The following PP2D1 variants were observed in gnomAD, a reference collection of about 807,000 sequenced individuals.
The protein encoded by PP2D1 is protein phosphatase 2C like domain containing 1, also known as protein phosphatase 2C-like domain-containing protein 1.
PP2D1 carries 25 observed loss-of-function variants against 30.2 expected under a neutral mutation model. That is an observed-to-expected ratio of 0.83 (90% CI 0.60 to 1.16). The LOEUF (loss-of-function observed/expected upper bound fraction) is 1.16, where lower values mean the gene tolerates loss of function less well. Ranked by LOEUF, PP2D1 falls within the 50% of genes most tolerant of loss-of-function variation. PP2D1 has a pLI of 0.00. For missense variants in PP2D1, 760 were observed against 742.4 expected (o/e 1.02, Z -0.28); for synonymous variants, 260 against 258.9 (o/e 1.00, Z -0.04).
downstream of PP2D1, chr3:19,983,898 C>T (rs563802419): frequency 1.2e-4 from 123 of 992,190 alleles, no homozygotes; most frequent in South Asian, 9.6e-4. Flanking sequence ...AGCATTTAAC[C>T]AGCCCAGTAT....
intron 1 of PP2D1, among the ~76,000 whole-genome samples, chr3:20,003,703 A>G (rs1009877941): frequency 6.6e-6 from 1 of 152,034 alleles, no homozygotes; most frequent in African/African-American, 2.4e-5. Context: ...GTGAGCAGAG[A>G]TGGCGCCACT....
downstream of PP2D1, among the ~76,000 whole-genome samples, chr3:19,983,083 T>C (rs1012323677): frequency 6.6e-6 from 1 of 152,140 alleles, no homozygotes; most frequent in Non-Finnish European, 1.5e-5. Context: ...ACGCCTATAA[T>C]CCCAACACTT....
At chr3:19,987,037 C>CAAAAAA (rs36014617) in intron 2 of PP2D1, among the ~76,000 whole-genome samples, 1 of 116,474 alleles carries the variant, frequency 8.6e-6, no homozygotes, top group Non-Finnish European at 1.8e-5. Context: ...AAATCTGCCT[C>CAAAAAA]AAAAAAAAAA....
chr3:19,981,699 G>A (rs1696930904), downstream of PP2D1, among the ~76,000 whole-genome samples: 1 of 152,054 alleles, frequency 6.6e-6, no homozygotes, highest in African/African-American at 2.4e-5. Flanking sequence ...AGGAGCATCT[G>A]TATATCCAGC....
chr3:19,996,072 G>T (rs1222320226), intron 2 of PP2D1, among the ~76,000 whole-genome samples: 1 of 151,662 alleles, frequency 6.6e-6, no homozygotes, highest in Non-Finnish European at 1.5e-5. Context: ...AAAATTAATA[G>T]AAGCAAAAAA....
At chr3:19,980,309 A>AT (rs1696899523) in intron 3 of PP2D1, 1 of 152,282 alleles carries the variant, frequency 6.6e-6, no homozygotes, top group East Asian at 1.9e-4. Context: ...TAATAAAGTC[A>AT]TTTTTCGAGT....
intron 1 of PP2D1, among the ~76,000 whole-genome samples, chr3:20,011,028 C>A (rs962046545): frequency 3.3e-5 from 5 of 151,966 alleles, no homozygotes; most frequent in Admixed American, 1.3e-4. Flanking sequence ...TGTGCCCAAC[C>A]GGGAACCTAG....
At chr3:20,004,769 A>G (rs1479971652) in intron 1 of PP2D1, among the ~76,000 whole-genome samples, 3 of 146,472 alleles carry the variant, frequency 2.0e-5, no homozygotes, top group Non-Finnish European at 4.6e-5. Context: ...GTTAGAGACC[A>G]GAAAAAAAAA....
In PP2D1 at chr3:20,001,169, A is replaced by G. The variant is rs1160102982; in HGVS notation, c.951T>C (p.Cys317=). Residue 317 remains cysteine (C), a synonymous_variant, in exon 2 of 3, where the codon TGT becomes TGC. Transcript: ENST00000389050. ...VQWSGCSAVT[C]ILEGKPKSPY... Reference sequence around the variant, plus strand: ...GACTTTTAGGTTTGCCTTCCAATATACAAGTAACTGCAGAGCAGCCACTCC... The same window carrying G: ...GACTTTTAGGTTTGCCTTCCAATATGCAAGTAACTGCAGAGCAGCCACTCC... 1.3e-6 allele frequency: 2 copies of G among 1,492,048 alleles called. No individual in the cohort carries two copies. The highest frequency in any genetic ancestry group is 2.4e-5 in the Admixed American group (1 of 41,438). The allele number at this position is 1,492,048 out of a possible 1,614,324, so 92.4% of individuals were successfully genotyped here. A position where few individuals can be genotyped will look rare whatever the true frequency, so the allele number is the denominator to read the frequency against.
Position 19,986,040 on chromosome 3 carries a change from C to T in PP2D1, c.1233G>A (p.Glu411=), listed in dbSNP as rs1174682572. The change falls in exon 3 of 3, where the codon GAG becomes GAA. Residue 411 remains glutamate, a synonymous_variant. Coordinates refer to ENST00000389050, the MANE Select transcript of PP2D1 (RefSeq NM_001252657.2). The part of the protein sequence containing the change: ...ISSNEPYGLV[E]GQVKTTRGLG... The stretch of plus-strand genomic sequence containing the variant: ...GTCCTCGTGTAGTTTTTACTTGCCC[C>T]TCTACAAGCCCGTATGGTTCATTTG... The T allele has an allele frequency of 2.6e-6, 4 of 1,535,960 alleles. 1 individual carries two copies. The South Asian group carries it at 4.8e-5, about 18-fold the overall frequency.
chr3:20,005,139 A>G (rs1190355796), intron 1 of PP2D1, among the ~76,000 whole-genome samples: 1 of 110,738 alleles, frequency 9.0e-6, no homozygotes, highest in African/African-American at 3.1e-5. Context: ...AACTTTATAT[A>G]TACATTTTTT....
downstream of PP2D1, among the ~76,000 whole-genome samples, chr3:19,981,457 T>C (rs994470480): frequency 6.6e-6 from 1 of 151,724 alleles, no homozygotes; most frequent in Non-Finnish European, 1.5e-5. Context: ...CTACTAAAAA[T>C]AGAAAAATTA....
chr3:19,991,673 T>G (rs1697121541), intron 2 of PP2D1, among the ~76,000 whole-genome samples: 1 of 152,176 alleles, frequency 6.6e-6, no homozygotes, highest in Non-Finnish European at 1.5e-5. Flanking sequence ...TCACTTTATT[T>G]CACTAAGTAA....
At position 20,001,090 on chromosome 3, in the gene PP2D1, T is replaced by C; in HGVS notation, c.1030A>G (p.Ser344Gly). Residue 344 changes from serine to glycine, a missense_variant, in exon 2 of 3, where the codon AGC becomes GGC. Ser to Gly is a moderately conservative substitution (Grantham distance 56). Transcript: ENST00000389050. ...TTTGGCATCTCCTGGGAAGGGGAGC[T>C]CTCTGCCAACCCATCATGGGTATTT... Reference protein sequence around the residue: ...RKNTHDGLAESSPSQEMPKII... With the variant: ...RKNTHDGLAEGSPSQEMPKII... The C allele has an allele frequency of 7.1e-7, 1 of 1,405,084 alleles. No homozygotes were observed. The highest frequency in any genetic ancestry group is 9.2e-7 in the Non-Finnish European group (1 of 1,082,168). 87.0% of individuals were successfully genotyped at this position (1,405,084 alleles called of 1,614,324 possible).
intron 2 of PP2D1, among the ~76,000 whole-genome samples, chr3:19,989,099 T>A (rs1290004712): frequency 6.6e-6 from 1 of 152,158 alleles, no homozygotes; most frequent in African/African-American, 2.4e-5. Flanking sequence ...TCTGGGAGGC[T>A]GAGGCAGGAG....
Position 20,002,106 on chromosome 3 carries a change from G to A in PP2D1, c.24-10C>T. 6.7e-7 allele frequency: 1 copy of A among 1,498,390 alleles called. No homozygotes were observed. The allele number at this position is 1,498,390 out of a possible 1,614,324, so 92.8% of individuals were successfully genotyped here. A position where few individuals can be genotyped will look rare whatever the true frequency, so the allele number is the denominator to read the frequency against. ...TGATTTCCAAAACACTCTGCAAACA[G>A]GATGAAAGATATTTACATGCCAGGA... On this transcript the variant is annotated splice_polypyrimidine_tract_variant and intron_variant, in intron 1 of 2. Transcript: ENST00000389050.
At chr3:20,010,704 G>C (rs1003247948) in intron 1 of PP2D1, among the ~76,000 whole-genome samples, 33 of 152,258 alleles carry the variant, frequency 2.2e-4, no homozygotes, top group African/African-American at 7.9e-4. Context: ...TGGGGAGGCT[G>C]AGGCAGGAGA....
Position 20,001,836 on chromosome 3 carries a change from C to T in PP2D1, c.284G>A (p.Trp95Ter), listed in dbSNP as rs2125144551. ...GGGCTGTGGTTTCTTTCTACCCATC[C>T]ATTGGAAACCCAGCGTGGCCAGAGC... ...HVALATLGFQWMGRKKPQPSV... is the reference protein window; with the variant it reads ...HVALATLGFQ Residue 95 changes from tryptophan to a stop codon, truncating the protein, a stop_gained, in exon 2 of 3, where the codon TGG becomes TAG. Transcript: ENST00000389050. LOFTEE classifies it high-confidence loss of function. 2 of 1,535,314 alleles carry T rather than the reference C, an allele frequency of 1.3e-6. No individual in the cohort carries two copies. The highest frequency in any genetic ancestry group is 1.7e-6 in the Non-Finnish European group (2 of 1,146,634).
chr3:19,981,942 C>A (rs1236578933), downstream of PP2D1, among the ~76,000 whole-genome samples: 2 of 151,946 alleles, frequency 1.3e-5, no homozygotes, highest in Non-Finnish European at 2.9e-5. Context: ...ATTCATCAGC[C>A]CATAAAAGGA....
Sources: gnomAD v4.1 joint callset for allele counts (sites outside exome capture counted in the v4.1 genomes callset) on GRCh38, gnomAD v4.1.1 for gene constraint, MANE v1.5 for transcripts, NCBI Gene and HGNC (gene_info 2026-07-23, HGNC 2026-07-21) for gene names.